The following SLC30A6 variants were observed in gnomAD, a reference collection of about 807,000 sequenced individuals.
SLC30A6 encodes solute carrier family 30 member 6.
Under a neutral mutation model 63.0 loss-of-function variants are expected in SLC30A6, and 55 were observed. That is an observed-to-expected ratio of 0.87 (90% CI 0.70 to 1.09). The LOEUF is 1.09. Ranked by LOEUF, SLC30A6 falls within the 50% of genes least tolerant of loss-of-function variation. The pLI is 0.00. For synonymous variants in SLC30A6, 224 were observed against 186.1 expected, an observed-to-expected ratio of 1.20 and a Z score of -1.66; for missense variants, 587 against 549.2, an observed-to-expected ratio of 1.07 and a Z score of -0.69.
rs778022134 is a variant in SLC30A6, at chr2:32,184,256, T to C, written c.219-17T>C. 7 of 1,431,846 alleles carry C rather than the reference T, an allele frequency of 4.9e-6. No individual in the cohort carries two copies. The highest frequency in any genetic ancestry group is 5.7e-6 in the Non-Finnish European group (6 of 1,055,728). 88.7% of individuals were successfully genotyped at this position (1,431,846 alleles called of 1,614,324 possible). A position where few individuals can be genotyped will look rare whatever the true frequency, so the allele number is the denominator to read the frequency against. ...TCTTCTAGTTCTAATACTAAATTTA[T>C]TTTTCTTTTTACTTAGTTTAATGAC... is the stretch of plus-strand genomic sequence containing the variant. On this transcript the variant is annotated splice_polypyrimidine_tract_variant and intron_variant, in intron 4 of 13. Coordinates refer to ENST00000282587, the MANE Select transcript of SLC30A6 (RefSeq NM_017964.5).
intron 13 of SLC30A6, among the ~76,000 whole-genome samples, chr2:32,218,530 G>C (rs1685899932): frequency 1.0e-5 from 1 of 100,184 alleles, no homozygotes; most frequent in Non-Finnish European, 2.1e-5. Flanking sequence ...CTTTTGTTTT[G>C]TTTTGTTTTG....
At chr2:32,189,991 C>T (rs1203525330) in intron 5 of SLC30A6, among the ~76,000 whole-genome samples, 2 of 151,972 alleles carry the variant, frequency 1.3e-5, no homozygotes, top group East Asian at 1.9e-4. Context: ...TAATTGAGCA[C>T]CTTTGCCTAT....
intron 13 of SLC30A6, among the ~76,000 whole-genome samples, chr2:32,215,517 T>TATATATATATATATATATATATATATA (rs1553339788): frequency 1.1e-5 from 1 of 89,412 alleles, no homozygotes; most frequent in African/African-American, 4.0e-5. Flanking sequence ...TATATATATA[T>TATATATATATATATATATATATATATA]TTTTTTTTTT....
chr2:32,192,645 A>T (rs993144868), intron 6 of SLC30A6, among the ~76,000 whole-genome samples: 4 of 149,416 alleles, frequency 2.7e-5, no homozygotes, highest in African/African-American at 1.0e-4. Flanking sequence ...AATGAAACAG[A>T]GATTCAGTCA....
At chr2:32,170,061 C>T (rs1681059750) in intron 1 of SLC30A6, among the ~76,000 whole-genome samples, 1 of 151,900 alleles carries the variant, frequency 6.6e-6, no homozygotes, top group African/African-American at 2.4e-5. Flanking sequence ...TTTTTTTCCC[C>T]CTTAAGGGTA....
intron 12 of SLC30A6, among the ~76,000 whole-genome samples, chr2:32,209,279 G>T (rs1020292398): frequency 6.6e-6 from 1 of 152,148 alleles, no homozygotes; most frequent in African/African-American, 2.4e-5. Context: ...AAAGAATTGG[G>T]GCAAGCAAGA....
chr2:32,209,293 G>A (rs530632261), intron 12 of SLC30A6, among the ~76,000 whole-genome samples, 200 bp from the exon 13 acceptor site: 28 of 152,200 alleles, frequency 1.8e-4, no homozygotes, highest in Non-Finnish European at 3.5e-4. Context: ...AGCAAGAAAC[G>A]AGGAAAGCAA....
In SLC30A6 at chr2:32,207,692, A is replaced by ATTTT. The variant is rs34666891; in HGVS notation, c.816+780_816+783dup. Reference sequence around the variant, plus strand: ...CCTGGCCCGCCCAACTAACTTCTGTATTTTTTTTTTTTTTTTTTTTTTTTC... The same window carrying ATTTT: ...CCTGGCCCGCCCAACTAACTTCTGTATTTTTTTTTTTTTTTTTTTTTTTTTTTTC... On this transcript the variant is annotated intron_variant, in intron 12 of 13. Transcript: ENST00000282587. 9.4e-4 allele frequency among the ~76,000 whole-genome samples: 51 copies of ATTTT among 54,436 alleles called. 4 individuals carry two copies. The highest frequency in any genetic ancestry group is 3.8e-3 in the African/African-American group (48 of 12,616). The allele number at this position is 54,436 out of a possible 152,430, so 35.7% of individuals were successfully genotyped here. A position where few individuals can be genotyped will look rare whatever the true frequency, so the allele number is the denominator to read the frequency against.
intron 4 of SLC30A6, among the ~76,000 whole-genome samples, chr2:32,181,477 A>G (rs1344567230): frequency 6.6e-6 from 1 of 152,212 alleles, no homozygotes; most frequent in Non-Finnish European, 1.5e-5. Flanking sequence ...AAAATTTTCA[A>G]AAGTTAATAT....
At chr2:32,175,141 G>C (rs921755294) in intron 3 of SLC30A6, among the ~76,000 whole-genome samples, 178 bp from the exon 4 acceptor site, 11 of 152,118 alleles carry the variant, frequency 7.2e-5, no homozygotes, top group African/African-American at 2.4e-4. Context: ...TTCTACCAAC[G>C]AACTTTGGCT....
At position 32,192,416 on chromosome 2, in the gene SLC30A6, G is replaced by T. The variant is rs1367565044; in HGVS notation, c.365G>T (p.Ser122Ile). The T allele has an allele frequency of 6.2e-7, 1 of 1,612,646 alleles. No individual in the cohort carries two copies. Among genetic ancestry groups the T allele is most frequent in the Non-Finnish European group, 8.5e-7 (1 of 1,178,802 alleles). ...QLGALFILKE[S>I]AERFLEQPEI... ...GGAGCTCTCTTTATATTAAAAGAAA[G>T]GTACATTTGTATAGGATATTATTCT... Residue 122 changes from serine to isoleucine, a missense_variant and splice_region_variant, in exon 6 of 14, where the codon AGT becomes ATT. Coordinates refer to ENST00000282587, the MANE Select transcript of SLC30A6 (RefSeq NM_017964.5).
intron 4 of SLC30A6, among the ~76,000 whole-genome samples, chr2:32,183,808 A>C (rs1475124319): frequency 6.6e-6 from 1 of 152,114 alleles, no homozygotes; most frequent in Admixed American, 6.6e-5. Flanking sequence ...CAGTGAATCT[A>C]CTATAGTTGG....
At chr2:32,166,014 G>A in intron 1 of SLC30A6, 111 bp downstream of exon 1, 1 of 1,489,358 alleles carries the variant, frequency 6.7e-7, no homozygotes, top group Non-Finnish European at 9.4e-7. Flanking sequence ...GGTCATTGGA[G>A]TTGAAGTCGG....
chr2:32,168,324 A>AT (rs1225458709), intron 1 of SLC30A6, among the ~76,000 whole-genome samples: 1 of 151,408 alleles, frequency 6.6e-6, no homozygotes, highest in African/African-American at 2.4e-5. Context: ...TTTAAGGTTT[A>AT]TTTTTTAAAA....
At chr2:32,197,548 G>C (rs1558404262) in intron 9 of SLC30A6, among the ~76,000 whole-genome samples, 156 bp downstream of exon 9, 1 of 152,172 alleles carries the variant, frequency 6.6e-6, no homozygotes, top group Admixed American at 6.5e-5. Flanking sequence ...TGATACAAAA[G>C]AGAACTTTAT....
chr2:32,204,053 T>A, intron 10 of SLC30A6: 1 of 585,244 alleles, frequency 1.7e-6, no homozygotes, highest in Non-Finnish European at 3.1e-6. Context: ...CCTAATCATG[T>A]ATATTATGCA....
At chr2:32,191,386 T>G (rs1182589109) in intron 5 of SLC30A6, among the ~76,000 whole-genome samples, 1 of 152,300 alleles carries the variant, frequency 6.6e-6, no homozygotes, top group East Asian at 1.9e-4. Context: ...CAAATAACAA[T>G]GTGATGTACA....
chr2:32,217,325 G>A (rs1272796018), intron 13 of SLC30A6, among the ~76,000 whole-genome samples: 5 of 152,158 alleles, frequency 3.3e-5, no homozygotes, highest in Non-Finnish European at 7.4e-5. Flanking sequence ...TGAATAGGTA[G>A]TCCTTTCCCC....
intron 5 of SLC30A6, among the ~76,000 whole-genome samples, chr2:32,189,843 C>T (rs866858208): frequency 2.1e-4 from 32 of 151,946 alleles, no homozygotes; most frequent in African/African-American, 7.5e-4. Flanking sequence ...TGGTTTCAAG[C>T]GATCCTCCCA....
Sources: gnomAD v4.1 joint callset for allele counts (sites outside exome capture counted in the v4.1 genomes callset) on GRCh38, gnomAD v4.1.1 for gene constraint, MANE v1.5 for transcripts, NCBI Gene and HGNC (gene_info 2026-07-23, HGNC 2026-07-21) for gene names.